MACROD1: variants seen among roughly 807,000 people sequenced by gnomAD.
MACROD1 encodes ADP-ribose glycohydrolase MACROD1.
In MACROD1, 31 loss-of-function variants were observed where a neutral mutation model predicts 41.4. That is an observed-to-expected ratio of 0.75 (90% CI 0.56 to 1.01). The LOEUF is 1.01. MACROD1 is among the 50% of genes least tolerant of loss of function. MACROD1 has a pLI of 0.00. For synonymous variants in MACROD1, 252 were observed against 203.4 expected, an observed-to-expected ratio of 1.24 and a Z score of -2.03; for missense variants, 473 against 460.0, an observed-to-expected ratio of 1.03 and a Z score of -0.26.
At chr11:64,084,962 T>C (rs994157934) in intron 3 of MACROD1, among the ~76,000 whole-genome samples, 2 of 152,202 alleles carry the variant, frequency 1.3e-5, no homozygotes, top group Non-Finnish European at 2.9e-5. Context: ...TTTCCGTCTA[T>C]GGGGAGGCCA....
intron 3 of MACROD1, among the ~76,000 whole-genome samples, chr11:64,051,071 C>A (rs1017632035): frequency 6.6e-6 from 1 of 152,226 alleles, no homozygotes; most frequent in African/African-American, 2.4e-5. Context: ...TGTGCCCCAC[C>A]GATCTGGAGG....
rs1217579498 is a variant in MACROD1, at chr11:64,043,834, G to A, written c.518-28553C>T. Among the ~76,000 whole-genome samples, 3 of 146,538 alleles carry A rather than the reference G, an allele frequency of 2.0e-5. No individual in the cohort carries two copies. In the East Asian group the frequency reaches 5.9e-4, roughly 29 times the overall value. On this transcript the variant is annotated intron_variant, in intron 3 of 10. Coordinates refer to ENST00000255681, the MANE Select transcript of MACROD1 (RefSeq NM_014067.4). ...GGCATCTTTTTTTTTTTTTTATGAC[G>A]GAGTTTCGCTCTTGTTGCCCAGACT... is the stretch of plus-strand genomic sequence containing the variant.
chr11:64,004,633 C>T (rs1270400555), intron 4 of MACROD1, among the ~76,000 whole-genome samples: 1 of 152,150 alleles, frequency 6.6e-6, no homozygotes, highest in East Asian at 1.9e-4. Flanking sequence ...CCTACCATCC[C>T]GTGGGGCTGG....
intron 3 of MACROD1, among the ~76,000 whole-genome samples, chr11:64,031,860 A>G (rs1023903836): frequency 3.3e-5 from 5 of 152,204 alleles, no homozygotes; most frequent in African/African-American, 7.2e-5. Context: ...TTACATATCC[A>G]TGCATTCGCG....
At chr11:64,044,336 C>G (rs11825767) in intron 3 of MACROD1, among the ~76,000 whole-genome samples, 1 of 151,210 alleles carries the variant, frequency 6.6e-6, no homozygotes, top group Non-Finnish European at 1.5e-5. Flanking sequence ...ACTGCAGCCT[C>G]TAACTTTTGG....
At chr11:64,000,173 GAC>G in intron 5 of MACROD1, 52 bp downstream of exon 5, 1 of 1,440,050 alleles carries the variant, frequency 6.9e-7, no homozygotes, top group East Asian at 2.3e-5. Flanking sequence ...ATGTCCCAGT[GAC>G]ACACGGGCGC....
At chr11:64,005,551 T>C (rs1043874945) in intron 4 of MACROD1, among the ~76,000 whole-genome samples, 4 of 152,302 alleles carry the variant, frequency 2.6e-5, no homozygotes, top group South Asian at 2.1e-4. Flanking sequence ...GCTGGCTGGG[T>C]GTCCAGCCTG....
At position 64,096,857 on chromosome 11, in the gene MACROD1, T is replaced by C. The variant is rs1199633221; in HGVS notation, c.517+54382A>G. Among the ~76,000 whole-genome samples the C allele has an allele frequency of 6.6e-6, 1 of 152,128 alleles. No homozygotes were observed. ...CAAGCACACTGCCAGCTGTGTCCCT[T>C]CGAGGGCCTCCCCCGGCAGAGCTGA... On this transcript the variant is annotated intron_variant, in intron 3 of 10. Coordinates refer to ENST00000255681, the MANE Select transcript of MACROD1 (RefSeq NM_014067.4). This position sits in a 1 kb window ranked among gnomAD's most constrained non-coding sequence, Gnocchi z 4.6.
At chr11:64,131,101 G>A (rs952412022) in intron 3 of MACROD1, among the ~76,000 whole-genome samples, 1 of 152,174 alleles carries the variant, frequency 6.6e-6, no homozygotes, top group Non-Finnish European at 1.5e-5. Context: ...TGATGCAGGC[G>A]AGTGCCCCAG....
chr11:64,165,998 C>G lies in MACROD1; in HGVS notation c.-4G>C. On this transcript the variant is annotated 5_prime_UTR_variant, in exon 1 of 11. Coordinates refer to ENST00000255681, the MANE Select transcript of MACROD1 (RefSeq NM_014067.4). ...ACAGTCGGCTCTGTAGAGACATGAG[C>G]GGGCGGCGCGGGACGGCTCTCCGCC... 3 of 1,261,290 alleles carry G rather than the reference C, an allele frequency of 2.4e-6. No homozygotes were observed. Among genetic ancestry groups the G allele is most frequent in the Non-Finnish European group, 2.0e-6 (2 of 1,006,596 alleles). The allele number at this position is 1,261,290 out of a possible 1,614,324, so 78.1% of individuals were successfully genotyped here.
chr11:64,127,699 G>A (rs1408138738), intron 3 of MACROD1, among the ~76,000 whole-genome samples: 1 of 152,232 alleles, frequency 6.6e-6, no homozygotes, highest in Non-Finnish European at 1.5e-5. Flanking sequence ...ACATGGAGAA[G>A]TATGTGTCAG....
At chr11:64,070,756 GATTT>G (rs1944093829) in intron 3 of MACROD1, among the ~76,000 whole-genome samples, 1 of 152,220 alleles carries the variant, frequency 6.6e-6, no homozygotes, top group African/African-American at 2.4e-5. Flanking sequence ...AATAAAAATG[GATTT>G]ATTTGTTCGT....
chr11:64,079,364 T>C (rs1408174337), intron 3 of MACROD1, among the ~76,000 whole-genome samples: 2 of 150,794 alleles, frequency 1.3e-5, no homozygotes, highest in Admixed American at 6.6e-5. Flanking sequence ...GGGAGACAGA[T>C]TTGGAGCAAG....
chr11:64,039,456 G>A (rs970753244), intron 3 of MACROD1, among the ~76,000 whole-genome samples: 4 of 152,278 alleles, frequency 2.6e-5, no homozygotes, highest in Admixed American at 1.3e-4. Flanking sequence ...TTGTTCTGCC[G>A]GAGACAAAGT....
intron 3 of MACROD1, chr11:64,127,000 C>T (rs765619303): frequency 1.3e-5 from 2 of 152,248 alleles, no homozygotes; most frequent in Admixed American, 6.5e-5. Flanking sequence ...TTCTCAGGGC[C>T]CAGACCAGCC....
chr11:64,092,217 C>T (rs1009453822), intron 3 of MACROD1, among the ~76,000 whole-genome samples: 1 of 151,764 alleles, frequency 6.6e-6, no homozygotes, highest in Admixed American at 6.5e-5. Flanking sequence ...TACCCACTAA[C>T]GTCTCCCCTG....
At chr11:64,125,007 C>G (rs1945157009) in intron 3 of MACROD1, among the ~76,000 whole-genome samples, 1 of 152,174 alleles carries the variant, frequency 6.6e-6, no homozygotes, top group Non-Finnish European at 1.5e-5. Context: ...CCACGTCTCC[C>G]CCGGAGACCC....
chr11:64,057,239 G>A (rs940577162), intron 3 of MACROD1, among the ~76,000 whole-genome samples: 2 of 152,230 alleles, frequency 1.3e-5, no homozygotes, highest in African/African-American at 2.4e-5. Flanking sequence ...GGGGCTGAAC[G>A]TAGGGGACGG....
intron 3 of MACROD1, among the ~76,000 whole-genome samples, chr11:64,062,850 C>G (rs1186897098): frequency 6.6e-6 from 1 of 152,200 alleles, no homozygotes; most frequent in Admixed American, 6.5e-5. Flanking sequence ...AGCAGGGGCA[C>G]CTCCACCCCG....
Sources: gnomAD v4.1 joint callset for allele counts (sites outside exome capture counted in the v4.1 genomes callset) on GRCh38, gnomAD v4.1.1 for gene constraint, Gnocchi (gnomAD v3.1) non-coding constraint, MANE v1.5 for transcripts, NCBI Gene and HGNC (gene_info 2026-07-23, HGNC 2026-07-21) for gene names.